Variants in TTC1 observed in about 807,000 individuals in gnomAD.
TTC1 encodes tetratricopeptide repeat domain 1, also known as tetratricopeptide repeat protein 1.
TTC1 carries 31 observed loss-of-function variants against 37.6 expected under a neutral mutation model. The observed-to-expected ratio is 0.82, with a 90% CI of 0.62 to 1.11. The LOEUF is 1.11. Ranked by LOEUF, TTC1 falls within the 50% of genes most tolerant of loss-of-function variation. The pLI is 0.00. For synonymous variants in TTC1, 127 were observed against 122.4 expected, an observed-to-expected ratio of 1.04 and a Z score of -0.25; for missense variants, 351 against 339.0, an observed-to-expected ratio of 1.04 and a Z score of -0.28.
chr5:160,019,580 C>CT (rs201420281), intron 2 of TTC1, among the ~76,000 whole-genome samples: 2,752 of 108,610 alleles, frequency 0.025, 48 homozygotes, highest in East Asian at 0.042. Context: ...TTCTTTCATT[C>CT]TTTTTTTTTT....
At chr5:160,060,336 T>A (rs1757664853) in intron 7 of TTC1, among the ~76,000 whole-genome samples, 1 of 152,220 alleles carries the variant, frequency 6.6e-6, no homozygotes, top group Non-Finnish European at 1.5e-5. Context: ...GGTGATATGC[T>A]ACTTGGCAGA....
At chr5:160,023,708 C>T (rs1054035387) in intron 2 of TTC1, 53 of 1,584,632 alleles carry the variant, frequency 3.3e-5, no homozygotes, top group Non-Finnish European at 4.5e-5. Flanking sequence ...TCACATGTTG[C>T]CTAATCTTTC....
intron 5 of TTC1, among the ~76,000 whole-genome samples, chr5:160,049,238 C>G (rs1340726308): frequency 6.6e-6 from 1 of 152,118 alleles, no homozygotes. Context: ...TTGGAACACA[C>G]CTATCCTTTT....
chr5:160,060,469 G>A (rs558799010), intron 7 of TTC1, among the ~76,000 whole-genome samples: 3 of 152,134 alleles, frequency 2.0e-5, no homozygotes, highest in Admixed American at 6.6e-5. Flanking sequence ...TCTGATAGAC[G>A]AGATCCTAAT....
intron 7 of TTC1, among the ~76,000 whole-genome samples, 174 bp downstream of exon 7, chr5:160,051,357 G>A (rs916753358): frequency 6.6e-6 from 1 of 152,004 alleles, no homozygotes; most frequent in African/African-American, 2.4e-5. Flanking sequence ...AGAGGGTATT[G>A]GCTTTTTTTG....
intron 2 of TTC1, among the ~76,000 whole-genome samples, chr5:160,027,740 C>T (rs1043284420): frequency 6.6e-6 from 1 of 152,120 alleles, no homozygotes; most frequent in Non-Finnish European, 1.5e-5. Context: ...AATGTATAAT[C>T]TTTGTTGAAA....
intron 5 of TTC1, among the ~76,000 whole-genome samples, chr5:160,047,707 C>G (rs1408163234): frequency 6.6e-6 from 1 of 152,262 alleles, no homozygotes; most frequent in Admixed American, 6.5e-5. Context: ...ATTTCAGCCT[C>G]TGATCCCCAG....
rs556652700 is a variant in TTC1, at chr5:160,058,062, C to T, written c.746-6870C>T. Among the ~76,000 whole-genome samples, 6 of 152,176 alleles carry T rather than the reference C, an allele frequency of 3.9e-5. No homozygotes were observed. In the South Asian group the frequency reaches 1.2e-3, roughly 32 times the overall value. On this transcript the variant is annotated intron_variant, in intron 7 of 7. Coordinates refer to ENST00000231238, the MANE Select transcript of TTC1 (RefSeq NM_003314.3). ...GATTATAGGCGTGAGCCACTGTGCC[C>T]GGCCAGTTTATGTAATATTCTAAAT...
intron 6 of TTC1, 124 bp downstream of exon 6, chr5:160,049,786 A>C (rs935636745): frequency 2.2e-6 from 2 of 898,260 alleles, no homozygotes; most frequent in Admixed American, 3.7e-5. Context: ...GCTTATCAAG[A>C]TATATGGGAG....
intron 5 of TTC1, among the ~76,000 whole-genome samples, chr5:160,047,117 A>C (rs1385915554): frequency 6.6e-6 from 1 of 152,174 alleles, no homozygotes; most frequent in Non-Finnish European, 1.5e-5. Flanking sequence ...AAAACTAATA[A>C]ATACATGCCA....
In TTC1 at chr5:160,035,124, C is replaced by T. The variant is rs1413000300; in HGVS notation, c.331-16C>T. ...TAATATTGTGAGAAATTATGTAATT[C>T]TCTGATGTCTTTCAGAAAAGAAGAG... On this transcript the variant is annotated splice_polypyrimidine_tract_variant and intron_variant, in intron 2 of 7. Transcript: ENST00000231238. 6.3e-7 allele frequency: 1 copy of T among 1,586,626 alleles called. No individual in the cohort carries two copies. Among genetic ancestry groups the T allele is most frequent in the East Asian group, 2.3e-5 (1 of 44,004 alleles).
chr5:160,011,794 C>T (rs1756506095), intron 2 of TTC1, among the ~76,000 whole-genome samples: 1 of 152,116 alleles, frequency 6.6e-6, no homozygotes, highest in Admixed American at 6.5e-5. Flanking sequence ...CTACAAAGAA[C>T]TTGAACTAGA....
chr5:160,045,502 A>T lies in TTC1; in HGVS notation c.541+2333A>T, dbSNP rs1561634777. 1.1e-3 allele frequency among the ~76,000 whole-genome samples: 112 copies of T among 99,216 alleles called. 6 individuals are homozygous for T. Among genetic ancestry groups the T allele is most frequent in the East Asian group, 4.2e-3 (11 of 2,602 alleles). The allele number at this position is 99,216 out of a possible 152,430, so 65.1% of individuals were successfully genotyped here. On this transcript the variant is annotated intron_variant, in intron 5 of 7. Coordinates refer to ENST00000231238, the MANE Select transcript of TTC1 (RefSeq NM_003314.3). ...CACACACACACACACACACACACAC[A>T]CACACACACACATACACACTCTCTC...
chr5:160,034,414 A>G (rs1202402033), intron 2 of TTC1, among the ~76,000 whole-genome samples: 1 of 152,134 alleles, frequency 6.6e-6, no homozygotes, highest in Non-Finnish European at 1.5e-5. Flanking sequence ...AGACAGACTT[A>G]TTTATTTAGG....
chr5:160,062,693 C>T (rs1306865268), intron 7 of TTC1, among the ~76,000 whole-genome samples: 1 of 152,210 alleles, frequency 6.6e-6, no homozygotes, highest in African/African-American at 2.4e-5. Context: ...GGAGCTGCCC[C>T]TCCTCAGGAG....
chr5:160,035,058 A>G, intron 2 of TTC1, 82 bp from the exon 3 acceptor site: 1 of 1,213,732 alleles, frequency 8.2e-7, no homozygotes, highest in Non-Finnish European at 1.1e-6. Context: ...TATTAAATAG[A>G]CTTGTGCATA....
At chr5:160,026,609 T>C (rs757127672) in intron 2 of TTC1, among the ~76,000 whole-genome samples, 10 of 152,364 alleles carry the variant, frequency 6.6e-5, no homozygotes, top group Middle Eastern at 6.8e-3. Context: ...TTTTGTCTGA[T>C]AGCACTTCAG....
rs41275303 is a variant in TTC1 at position 160,010,396 on chromosome 5, C to T, written c.-29-104C>T. 5,396 of 609,860 alleles carry T rather than the reference C, an allele frequency of 8.8e-3. 54 individuals are homozygous for T. The highest frequency in any genetic ancestry group is 0.024 in the African/African-American group (1,329 of 54,440). The allele number at this position is 609,860 out of a possible 1,614,324, so 37.8% of individuals were successfully genotyped here. A position where few individuals can be genotyped will look rare whatever the true frequency, so the allele number is the denominator to read the frequency against. ...AATGAATTCCAGTGAAAGGAAATTA[C>T]GGTGTGTTTTTTGGCTGTAATGCAG... On this transcript the variant is annotated intron_variant, in intron 1 of 7. Transcript: ENST00000231238.
intron 7 of TTC1, among the ~76,000 whole-genome samples, chr5:160,052,865 C>T (rs1367830462): frequency 6.6e-6 from 1 of 152,174 alleles, no homozygotes. Flanking sequence ...TTCATTCCCT[C>T]GGTTGCTTCT....
Sources: gnomAD v4.1 joint callset for allele counts (sites outside exome capture counted in the v4.1 genomes callset) on GRCh38, gnomAD v4.1.1 for gene constraint, MANE v1.5 for transcripts, NCBI Gene and HGNC (gene_info 2026-07-23, HGNC 2026-07-21) for gene names.